Variants in NAA25 observed in about 807,000 individuals in gnomAD.
NAA25 encodes N-terminal acetyltransferase B complex subunit NAA25.
NAA25 carries 30 observed loss-of-function variants against 132.5 expected under a neutral mutation model. The observed-to-expected ratio is 0.23, with a 90% CI of 0.17 to 0.31. The LOEUF is 0.31. NAA25 is among the 10% of genes least tolerant of loss of function. The pLI is 1.00. For synonymous variants in NAA25, 359 were observed against 401.9 expected (o/e 0.89, Z 1.28); for missense variants, 771 against 1,150.4 (o/e 0.67, Z 4.77).
chr12:112,043,846 T>G lies in NAA25; in HGVS notation c.2029A>C (p.Lys677Gln). ...AAGGTCTCCTCCTCTAAGGAAAGTTTCTTATGTTCTTCAGAAACGTCCCTT... is the reference window on the plus strand; with the variant it reads ...AAGGTCTCCTCCTCTAAGGAAAGTTGCTTATGTTCTTCAGAAACGTCCCTT... ...KDRDVSEEHK[K>Q]LSLEEETLWL... The change falls in exon 18 of 24, where the codon AAA (lysine) becomes CAA (glutamine). Residue 677 changes from lysine to glutamine, a missense_variant. This residue lies in a region of NAA25 where 324 missense variants were observed against 400.0 expected (regional missense o/e 0.81). Transcript: ENST00000261745. 6.2e-7 allele frequency: 1 copy of G among 1,613,628 alleles called. No homozygotes were observed. The highest frequency in any genetic ancestry group is 8.5e-7 in the Non-Finnish European group (1 of 1,179,530).
intron 16 of NAA25, among the ~76,000 whole-genome samples, chr12:112,048,028 G>C (rs1000959890): frequency 2.0e-5 from 3 of 152,120 alleles, no homozygotes; most frequent in African/African-American, 7.2e-5. Context: ...TTGATTTGTA[G>C]GGGAGGCGGA....
At chr12:112,048,845 C>T (rs148926572) in intron 15 of NAA25, among the ~76,000 whole-genome samples, 14 of 152,244 alleles carry the variant, frequency 9.2e-5, no homozygotes, top group African/African-American at 3.1e-4. Flanking sequence ...GTTCCAAAAG[C>T]ACCAGAATAA....
At chr12:112,034,628 A>AAACAACAACAACAACAAC (rs57168073) in intron 22 of NAA25, 3 of 151,222 alleles carry the variant, frequency 2.0e-5, no homozygotes, top group African/African-American at 7.3e-5. Flanking sequence ...TCCGTCTCAA[A>AAACAACAACAACAACAAC]AACAACAACA....
In NAA25 at chr12:112,043,220, A is replaced by T; in HGVS notation, c.2251-9T>A. On this transcript the variant is annotated splice_polypyrimidine_tract_variant and intron_variant, in intron 18 of 23. Coordinates refer to ENST00000261745, the MANE Select transcript of NAA25 (RefSeq NM_024953.4). ...GGACCAAGGAAAGGATACTGGAAAA[A>T]AGGGAGAAAAATAATGCTCTTTTAA... 1 of 1,571,810 alleles carries T rather than the reference A, an allele frequency of 6.4e-7. No homozygotes were observed. The highest frequency in any genetic ancestry group is 8.6e-7 in the Non-Finnish European group (1 of 1,161,044).
chr12:112,036,810 C>T (rs2078229157), intron 22 of NAA25, among the ~76,000 whole-genome samples: 1 of 149,874 alleles, frequency 6.7e-6, no homozygotes, highest in Non-Finnish European at 1.5e-5. Flanking sequence ...CATTGCACTC[C>T]AGCCTGGGCA....
chr12:112,068,256 C>A (rs1269851253), intron 11 of NAA25, among the ~76,000 whole-genome samples: 1 of 152,078 alleles, frequency 6.6e-6, no homozygotes, highest in African/African-American at 2.4e-5. Flanking sequence ...AACATAATAG[C>A]TGCCCATAGA....
intron 10 of NAA25, among the ~76,000 whole-genome samples, chr12:112,069,873 A>T (rs2136881552): frequency 6.6e-6 from 1 of 152,050 alleles, no homozygotes; most frequent in East Asian, 1.9e-4. Context: ...CATGTCTGTA[A>T]TCCCAGCACT....
intron 19 of NAA25, among the ~76,000 whole-genome samples, chr12:112,042,515 T>A (rs12301773): frequency 0.046 from 6,949 of 151,960 alleles, 345 homozygotes; most frequent in African/African-American, 0.12. Flanking sequence ...TTTTATTTTT[T>A]TTTTTTTTTG....
Position 112,072,032 on chromosome 12 carries a change from T to C in NAA25, c.899A>G (p.Glu300Gly), listed in dbSNP as rs1189905468. 6.2e-7 allele frequency: 1 copy of C among 1,613,956 alleles called. No homozygotes were observed. Among genetic ancestry groups the C allele is most frequent in the South Asian group, 1.1e-5 (1 of 91,036 alleles). Reference sequence around the variant, plus strand: ...ATCTTCTATAAACTTCACAGCTTTTTCTGCAGAATAATGTACTTCTCCTTC... The same window carrying C: ...ATCTTCTATAAACTTCACAGCTTTTCCTGCAGAATAATGTACTTCTCCTTC... ...SLEGEVHYSA[E>G]KAVKFIEDRI... Residue 300 changes from glutamate to glycine, a missense_variant, in exon 10 of 24, where the codon GAA becomes GGA. Coordinates refer to ENST00000261745, the MANE Select transcript of NAA25 (RefSeq NM_024953.4).
intron 9 of NAA25, 144 bp from the exon 10 acceptor site, chr12:112,072,208 C>A: frequency 1.6e-6 from 1 of 618,710 alleles, no homozygotes; most frequent in South Asian, 2.4e-5. Context: ...GAACTATGAA[C>A]ATATTCTAAC....
At chr12:112,054,247 T>C in intron 14 of NAA25, 141 bp downstream of exon 14, 1 of 715,422 alleles carries the variant, frequency 1.4e-6, no homozygotes, top group Non-Finnish European at 2.2e-6. Context: ...AAAATCTTTC[T>C]GGTTTGCAAT....
intron 1 of NAA25, among the ~76,000 whole-genome samples, chr12:112,103,112 G>C (rs191120479): frequency 6.6e-6 from 1 of 152,292 alleles, no homozygotes; most frequent in East Asian, 1.9e-4. Context: ...TCAGCCTCCT[G>C]AGTAGCTGGG....
intron 3 of NAA25, 171 bp downstream of exon 3, chr12:112,090,555 T>C (rs560279203): frequency 1.1e-5 from 6 of 528,186 alleles, no homozygotes; most frequent in African/African-American, 7.9e-5. Flanking sequence ...AGGATCCTAA[T>C]GCATGTAAAC....
In NAA25 at chr12:112,061,770, T is replaced by TA. The variant is rs569737632; in HGVS notation, c.1150-383dup. On this transcript the variant is annotated intron_variant, in intron 11 of 23. Coordinates refer to ENST00000261745, the MANE Select transcript of NAA25 (RefSeq NM_024953.4). ...AGAAAAGAGCAGATTACCAAAAAAT[T>TA]AAAAAAAAATTAATCTGTAATTATG... Among the ~76,000 whole-genome samples, 38 of 151,630 alleles carry TA rather than the reference T, an allele frequency of 2.5e-4. No individual in the cohort carries two copies. In the South Asian group the frequency reaches 2.7e-3, roughly 11 times the overall value.
Position 112,090,728 on chromosome 12 carries a change from C to T in NAA25, c.281G>A (p.Arg94Gln), listed in dbSNP as rs765828147. Residue 94 changes from arginine (R) to glutamine (Q), a missense_variant and splice_region_variant, in exon 3 of 24, where the codon CGA becomes CAA. Physicochemically the swap from Arg to Gln is conservative, Grantham distance 43. Coordinates refer to ENST00000261745, the MANE Select transcript of NAA25 (RefSeq NM_024953.4). ...ACAATGAAAAGAAAGAAACATACGT[C>T]GGTGCATCTCCCGGTAAAGGATAGT... ...ALTILYREMH[R>Q]PELVTKLYEA... 34 of 1,607,130 alleles carry T rather than the reference C, an allele frequency of 2.1e-5. No individual in the cohort carries two copies. Among genetic ancestry groups the T allele is most frequent in the Admixed American group, 5.2e-5 (3 of 57,744 alleles).
intron 15 of NAA25, among the ~76,000 whole-genome samples, chr12:112,050,533 CAG>C (rs1006187370): frequency 2.4e-4 from 35 of 146,480 alleles, no homozygotes; most frequent in African/African-American, 6.8e-4. Flanking sequence ...TTTTTTGAGA[CAG>C]AGTCTCACTC....
At chr12:112,099,072 C>T (rs1445116690) in intron 1 of NAA25, among the ~76,000 whole-genome samples, 1 of 151,934 alleles carries the variant, frequency 6.6e-6, no homozygotes, top group African/African-American at 2.4e-5. Context: ...CTGCAACCTC[C>T]ACCTCCTAGA....
chr12:112,055,262 C>T (rs1002997995), intron 13 of NAA25, among the ~76,000 whole-genome samples: 5 of 151,900 alleles, frequency 3.3e-5, no homozygotes, highest in African/African-American at 9.7e-5. Flanking sequence ...AACTACTTGA[C>T]GTTAATGAAG....
chr12:112,043,385 G>C (rs1017221270), intron 18 of NAA25, among the ~76,000 whole-genome samples, 174 bp from the exon 19 acceptor site: 1 of 152,132 alleles, frequency 6.6e-6, no homozygotes, highest in Non-Finnish European at 1.5e-5. Context: ...ATATTAATTT[G>C]TTGCTAGCTA....
Sources: gnomAD v4.1 joint callset for allele counts (sites outside exome capture counted in the v4.1 genomes callset) on GRCh38, gnomAD v4.1.1 for gene constraint, gnomAD v4.1.1 regional missense constraint, MANE v1.5 for transcripts, NCBI Gene and HGNC (gene_info 2026-07-23, HGNC 2026-07-21) for gene names.